Variants in UBE3C observed in about 807,000 individuals in gnomAD.
UBE3C encodes ubiquitin-protein ligase E3C.
In UBE3C, 42 loss-of-function variants were observed where a neutral mutation model predicts 129.4. The ratio of observed to expected loss-of-function variants is 0.32; its 90% CI spans 0.25 to 0.42. The LOEUF (loss-of-function observed/expected upper bound fraction) is 0.42. UBE3C is among the 10% of genes least tolerant of loss of function. The pLI is 1.00. For missense variants in UBE3C, 1,049 were observed against 1,319.1 expected (o/e 0.80, Z 3.17); for synonymous variants, 510 against 492.4 (o/e 1.04, Z -0.47).
intron 22 of UBE3C, among the ~76,000 whole-genome samples, chr7:157,262,316 A>AT (rs1796937093): frequency 6.6e-6 from 1 of 150,402 alleles, no homozygotes; most frequent in African/African-American, 2.4e-5. Flanking sequence ...CACATATTAT[A>AT]TGCCACATAT....
chr7:157,231,160 A>G lies in UBE3C; in HGVS notation c.2314A>G (p.Ile772Val), dbSNP rs1796013556. 2 of 1,613,828 alleles carry G rather than the reference A, an allele frequency of 1.2e-6. No individual in the cohort carries two copies. Among genetic ancestry groups the G allele is most frequent in the Non-Finnish European group, 1.7e-6 (2 of 1,180,006 alleles). ...TGAAGCTGGCATTGATGGTGGTGGT[A>G]TTTTCAGAGAGTTTTTAAATGAACT... ...LDEAGIDGGG[I>V]FREFLNELLK... is the part of the protein sequence containing the mutation. The change falls in exon 18 of 23, where the codon ATT becomes GTT. Residue 772 changes from isoleucine to valine, a missense_variant. Ile to Val is a conservative substitution (Grantham distance 29, BLOSUM62 3). Around this residue, in one of 4 missense-constraint regions of UBE3C, gnomAD observed 3 missense variants for 19.6 expected, o/e 0.15. Transcript: ENST00000348165.
chr7:157,153,603 G>A (rs897874962), intron 1 of UBE3C, among the ~76,000 whole-genome samples: 4 of 152,116 alleles, frequency 2.6e-5, no homozygotes, highest in Admixed American at 1.3e-4. Flanking sequence ...CGCCCAGCCA[G>A]AAAGTCATAA....
chr7:157,218,500 A>G (rs760546697), intron 14 of UBE3C, among the ~76,000 whole-genome samples: 6 of 152,194 alleles, frequency 3.9e-5, no homozygotes, highest in Non-Finnish European at 7.3e-5. Context: ...GAGAGAAAAC[A>G]GGAGTGTTTC....
Position 157,164,573 on chromosome 7 carries a change from G to A in UBE3C, c.120+710G>A, listed in dbSNP as rs541153780. On this transcript the variant is annotated intron_variant, in intron 2 of 22. Coordinates refer to ENST00000348165, the MANE Select transcript of UBE3C (RefSeq NM_014671.3). Reference sequence around the variant, plus strand: ...ATGACATTTTTATTGTTTATCCTACGTTATATCTTGTGATAGTTTCTTTAA... The same window carrying A: ...ATGACATTTTTATTGTTTATCCTACATTATATCTTGTGATAGTTTCTTTAA... 5.4e-4 allele frequency: 213 copies of A among 393,408 alleles called. 3 individuals carry two copies. The highest frequency in any genetic ancestry group is 3.7e-3 in the South Asian group (203 of 54,168). The allele number at this position is 393,408 out of a possible 1,614,324, so 24.4% of individuals were successfully genotyped here.
intron 9 of UBE3C, among the ~76,000 whole-genome samples, chr7:157,186,394 G>T (rs1328752741): frequency 6.6e-6 from 1 of 151,240 alleles, no homozygotes. Context: ...GTCCAGTCTG[G>T]GTGACAGAGC....
chr7:157,161,168 A>G (rs893087054), intron 1 of UBE3C, among the ~76,000 whole-genome samples: 1 of 152,198 alleles, frequency 6.6e-6, no homozygotes, highest in African/African-American at 2.4e-5. Flanking sequence ...AGATTAGTTA[A>G]TGTTATTGTA....
intron 18 of UBE3C, among the ~76,000 whole-genome samples, chr7:157,237,961 A>G (rs1796195773): frequency 6.6e-6 from 1 of 151,616 alleles, no homozygotes; most frequent in Non-Finnish European, 1.5e-5. Context: ...CTGAGGTGGG[A>G]GGATTGCTTG....
At chr7:157,143,093 C>T (rs1807502847) in intron 1 of UBE3C, among the ~76,000 whole-genome samples, 1 of 152,022 alleles carries the variant, frequency 6.6e-6, no homozygotes, top group Admixed American at 6.6e-5. Context: ...TCTCGAACTC[C>T]CGACCTCAGG....
chr7:157,187,089 G>A, intron 10 of UBE3C, 68 bp downstream of exon 10: 3 of 1,490,406 alleles, frequency 2.0e-6, no homozygotes, highest in South Asian at 1.3e-5. Flanking sequence ...CCTGGGAATT[G>A]CTCTCCTCTT....
At chr7:157,255,941 A>G (rs1163240635) in intron 21 of UBE3C, among the ~76,000 whole-genome samples, 2 of 152,138 alleles carry the variant, frequency 1.3e-5, no homozygotes, top group African/African-American at 4.8e-5. Flanking sequence ...ATGCTGGGAA[A>G]ACACCCAGCT....
intron 13 of UBE3C, among the ~76,000 whole-genome samples, chr7:157,208,344 G>A (rs752994955): frequency 6.6e-6 from 1 of 151,700 alleles, no homozygotes; most frequent in Non-Finnish European, 1.5e-5. Flanking sequence ...CCATAGTGCT[G>A]GGATTATAGG....
chr7:157,158,050 CTTTTT>C (rs60257662), intron 1 of UBE3C, among the ~76,000 whole-genome samples: 14 of 101,124 alleles, frequency 1.4e-4, no homozygotes, highest in Admixed American at 3.8e-4. Flanking sequence ...CTCTTTTTTC[CTTTTT>C]TTTTTTTTTT....
In UBE3C at chr7:157,139,399, TGGGACTCGGGGC is replaced by T. The variant is rs1254395670; in HGVS notation, c.66+62_66+73del. On this transcript the variant is annotated intron_variant, in intron 1 of 22. Transcript: ENST00000348165. ...GGCCTGCGCGGCCGGGGCTCGGGGC[TGGGACTCGGGGC>T]TGGACTCGGGGCTGGACTCGGGGCC... 42 of 1,466,792 alleles carry T rather than the reference TGGGACTCGGGGC, an allele frequency of 2.9e-5. No homozygotes were observed. The East Asian group carries it at 1.1e-3, about 37-fold the overall frequency. The allele number at this position is 1,466,792 out of a possible 1,614,324, so 90.9% of individuals were successfully genotyped here.
intron 13 of UBE3C, among the ~76,000 whole-genome samples, chr7:157,214,527 GA>G (rs1185510354): frequency 6.6e-6 from 1 of 152,146 alleles, no homozygotes; most frequent in Non-Finnish European, 1.5e-5. Flanking sequence ...CAGAAAGGAT[GA>G]CCTTTGTTAA....
chr7:157,221,498 T>C (rs1795735500), intron 15 of UBE3C: 3 of 152,232 alleles, frequency 2.0e-5, no homozygotes, highest in African/African-American at 7.2e-5. Flanking sequence ...TCCCCAGCAC[T>C]TTAGGAGGCC....
intron 1 of UBE3C, among the ~76,000 whole-genome samples, chr7:157,159,214 GATTGTGGAGGAAAGA>G (rs1413449443): frequency 6.6e-6 from 1 of 152,050 alleles, no homozygotes; most frequent in Admixed American, 6.6e-5. Flanking sequence ...TACACACCAT[GATTGTGGAGGAAAGA>G]ATTGTGGAAA....
rs1257769539 is a variant in UBE3C at position 157,201,845 on chromosome 7, C to T, written c.1418+38C>T. On this transcript the variant is annotated intron_variant, in intron 11 of 22. Coordinates refer to ENST00000348165, the MANE Select transcript of UBE3C (RefSeq NM_014671.3). Reference sequence around the variant, plus strand: ...CAGACTTATAAATTGAGCTCAAGGGCACAGGAAGTGGCAGCCTAATCAAAA... The same window carrying T: ...CAGACTTATAAATTGAGCTCAAGGGTACAGGAAGTGGCAGCCTAATCAAAA... 3 of 1,536,294 alleles carry T rather than the reference C, an allele frequency of 2.0e-6. No homozygotes were observed. In the African/African-American group the frequency reaches 4.1e-5, roughly 21 times the overall value.
intron 4 of UBE3C, among the ~76,000 whole-genome samples, chr7:157,171,958 C>G (rs1281452023): frequency 6.7e-6 from 1 of 150,132 alleles, no homozygotes; most frequent in African/African-American, 2.4e-5. Flanking sequence ...CCACCTGCCT[C>G]GGCCACCCAT....
intron 21 of UBE3C, among the ~76,000 whole-genome samples, chr7:157,255,786 T>C (rs1429598659): frequency 6.6e-6 from 1 of 152,188 alleles, no homozygotes; most frequent in Non-Finnish European, 1.5e-5. Flanking sequence ...AGCACTTTAC[T>C]AGATTAAAAG....
Sources: allele counts gnomAD v4.1 joint callset (sites outside exome capture counted in the v4.1 genomes callset), GRCh38; gene constraint gnomAD v4.1.1; regional missense constraint gnomAD v4.1.1; transcripts MANE v1.5; gene names NCBI Gene and HGNC (gene_info 2026-07-23, HGNC 2026-07-21).